Variants in SCFD1 observed in about 807,000 individuals in gnomAD.
SCFD1 encodes sec1 family domain-containing protein 1.
Under a neutral mutation model 103.2 loss-of-function variants are expected in SCFD1, and 37 were observed. That is an observed-to-expected ratio of 0.36 (90% CI 0.28 to 0.47). The LOEUF (loss-of-function observed/expected upper bound fraction) is 0.47, where lower values mean the gene tolerates loss of function less well. Ranked by LOEUF, SCFD1 falls within the 20% of genes least tolerant of loss-of-function variation. The pLI is 1.00. For missense variants in SCFD1, 639 were observed against 761.2 expected (o/e 0.84, Z 1.89); for synonymous variants, 264 against 245.0 (o/e 1.08, Z -0.73).
chr14:30,650,232 A>G (rs547933885), intron 8 of SCFD1, among the ~76,000 whole-genome samples: 1 of 151,712 alleles, frequency 6.6e-6, no homozygotes, highest in Non-Finnish European at 1.5e-5. Flanking sequence ...TTCTCCATAT[A>G]GACACCTTCC....
At chr14:30,629,827 C>T (rs1335596370) in intron 2 of SCFD1, among the ~76,000 whole-genome samples, 4 of 152,164 alleles carry the variant, frequency 2.6e-5, no homozygotes, top group African/African-American at 4.8e-5. Flanking sequence ...CCGCCCACCT[C>T]GGCCTCCAAA....
intron 14 of SCFD1, among the ~76,000 whole-genome samples, chr14:30,694,154 A>C (rs1393319207): frequency 6.6e-6 from 1 of 152,232 alleles, no homozygotes; most frequent in Non-Finnish European, 1.5e-5. Flanking sequence ...AAAATAGTAA[A>C]CATAACTTGA....
chr14:30,671,004 TAAAC>T (rs986100239), intron 11 of SCFD1, among the ~76,000 whole-genome samples: 4 of 152,120 alleles, frequency 2.6e-5, no homozygotes, highest in Admixed American at 1.3e-4. Flanking sequence ...GCCATCATTC[TAAAC>T]AAACAAAAAT....
At chr14:30,716,022 A>T in intron 20 of SCFD1, 45 bp downstream of exon 20, 1 of 1,045,922 alleles carries the variant, frequency 9.6e-7, no homozygotes, top group Non-Finnish European at 1.5e-6. Flanking sequence ...CGAATGTGTC[A>T]AACTGACTAG....
intron 14 of SCFD1, chr14:30,683,082 T>G (rs1889620393): frequency 3.7e-6 from 5 of 1,359,494 alleles, no homozygotes; most frequent in Non-Finnish European, 5.2e-6. Flanking sequence ...TGAGTAGGTT[T>G]CTTGCAGATA....
chr14:30,702,053 AT>A (rs1891116198), intron 16 of SCFD1, among the ~76,000 whole-genome samples: 1 of 152,220 alleles, frequency 6.6e-6, no homozygotes, highest in African/African-American at 2.4e-5. Context: ...TTGCTGAGAA[AT>A]TTAAAAATAC....
chr14:30,651,863 C>T (rs1886423689), intron 9 of SCFD1, among the ~76,000 whole-genome samples: 1 of 152,114 alleles, frequency 6.6e-6, no homozygotes. Context: ...CTCCCATAGC[C>T]ATTTGGTAAT....
intron 14 of SCFD1, among the ~76,000 whole-genome samples, chr14:30,679,286 G>T (rs922692641): frequency 6.7e-6 from 1 of 149,446 alleles, no homozygotes; most frequent in Non-Finnish European, 1.5e-5. Flanking sequence ...TATGTCAATT[G>T]TATGAGTATG....
At chr14:30,700,144 C>T (rs1443815403) in intron 15 of SCFD1, 44 bp from the exon 16 acceptor site, 3 of 1,370,820 alleles carry the variant, frequency 2.2e-6, no homozygotes, top group Non-Finnish European at 3.1e-6. Flanking sequence ...TACATAATAA[C>T]CACAATTATG....
chr14:30,633,961 A>G lies in SCFD1; in HGVS notation c.236A>G (p.Asp79Gly), dbSNP rs766692135. Residue 79 changes from aspartate to glycine, a missense_variant, in exon 4 of 25, where the codon GAT becomes GGT. Asp to Gly is a moderately conservative substitution (Grantham distance 94). Transcript: ENST00000458591. ...ATGTCTTCTAGGCTTTTACACTCTG[A>G]TCGAGATCCTATTCCAGATGTTCCT... ...GITLHLLLHSDRDPIPDVPAV... is the reference protein window; with the variant it reads ...GITLHLLLHSGRDPIPDVPAV... The G allele has an allele frequency of 1.3e-6, 2 of 1,595,142 alleles. No individual in the cohort carries two copies. The highest frequency in any genetic ancestry group is 3.4e-5 in the Admixed American group (2 of 58,422).
intron 4 of SCFD1, 29 bp downstream of exon 4, chr14:30,634,066 C>A: frequency 7.6e-7 from 1 of 1,318,472 alleles, no homozygotes. Flanking sequence ...TTCTGGACTC[C>A]TGAATTTGGA....
intron 21 of SCFD1, among the ~76,000 whole-genome samples, chr14:30,720,686 TTTACA>T (rs1279471310): frequency 6.6e-6 from 1 of 152,192 alleles, no homozygotes; most frequent in African/African-American, 2.4e-5. Context: ...TTATATAGCA[TTTACA>T]TTATATTAGG....
intron 1 of SCFD1, 70 bp downstream of exon 1, chr14:30,622,469 G>A (rs1482045240): frequency 2.6e-6 from 4 of 1,533,744 alleles, no homozygotes; most frequent in Non-Finnish European, 3.5e-6. Flanking sequence ...TCTGGTGCGT[G>A]CAGCTCAGAG....
intron 1 of SCFD1, among the ~76,000 whole-genome samples, chr14:30,624,831 TC>T (rs2138966152): frequency 6.6e-6 from 1 of 152,302 alleles, no homozygotes; most frequent in South Asian, 2.1e-4. Flanking sequence ...CTCTTCCCTC[TC>T]CTTGAACCCA....
chr14:30,716,057 G>C, intron 20 of SCFD1, 80 bp downstream of exon 20: 1 of 815,772 alleles, frequency 1.2e-6, no homozygotes, highest in Non-Finnish European at 2.1e-6. Context: ...AAATCAGATT[G>C]AGTTCCTTGT....
At position 30,643,368 on chromosome 14, in the gene SCFD1, T is replaced by C. The variant is rs200204369; in HGVS notation, c.576T>C (p.Thr192=). Reference sequence around the variant, plus strand: ...CGGAAATGGAAACTGTTATGGACACTATAGTTGACAGCCTCTTCTGCTTTT... The same window carrying C: ...CGGAAATGGAAACTGTTATGGACACCATAGTTGACAGCCTCTTCTGCTTTT... ...TDTEMETVMD[T]IVDSLFCFFV... is the part of the protein sequence containing the mutation. The change falls in exon 7 of 25, where the codon ACT becomes ACC. Residue 192 remains threonine (T), a synonymous_variant. Transcript: ENST00000458591. 1 of 1,613,686 alleles carries C rather than the reference T, an allele frequency of 6.2e-7. No homozygotes were observed. Among genetic ancestry groups the C allele is most frequent in the East Asian group, 2.2e-5 (1 of 44,834 alleles).
intron 11 of SCFD1, among the ~76,000 whole-genome samples, chr14:30,670,714 C>A (rs189701252): frequency 2.5e-3 from 377 of 152,054 alleles, no homozygotes; most frequent in African/African-American, 6.3e-3. Context: ...TTTAAATTGG[C>A]TTTTGTGATT....
intron 14 of SCFD1, among the ~76,000 whole-genome samples, chr14:30,678,476 A>G (rs1423914026): frequency 6.6e-6 from 1 of 152,186 alleles, no homozygotes; most frequent in Non-Finnish European, 1.5e-5. Flanking sequence ...TGAGTCATCT[A>G]TATTTTTAAA....
At chr14:30,714,157 C>CT (rs553263652) in intron 19 of SCFD1, among the ~76,000 whole-genome samples, 62 of 148,694 alleles carry the variant, frequency 4.2e-4, no homozygotes, top group African/African-American at 1.5e-3. Flanking sequence ...ACCATCCTGG[C>CT]TAACAAGGTG....
Sources: allele counts gnomAD v4.1 joint callset (sites outside exome capture counted in the v4.1 genomes callset), GRCh38; gene constraint gnomAD v4.1.1; transcripts MANE v1.5; gene names NCBI Gene and HGNC (gene_info 2026-07-23, HGNC 2026-07-21).